The following HIVEP1 variants were observed in gnomAD, a reference collection of about 807,000 sequenced individuals.
HIVEP1 encodes the protein zinc finger protein 40.
In HIVEP1, 36 loss-of-function variants were observed where a neutral mutation model predicts 180.0. That is an observed-to-expected ratio of 0.20 (90% CI 0.15 to 0.26). The LOEUF (loss-of-function observed/expected upper bound fraction) is 0.26, where lower values mean the gene tolerates loss of function less well. HIVEP1 is among the 10% of genes least tolerant of loss of function. HIVEP1 has a pLI of 1.00. For missense variants in HIVEP1, 3,143 were observed against 3,268.7 expected, an observed-to-expected ratio of 0.96 and a Z score of 0.94; for synonymous variants, 1,239 against 1,239.0, an observed-to-expected ratio of 1.00 and a Z score of 0.00.
At chr6:12,191,402 C>T in the HIVEP1 span, among the ~76,000 whole-genome samples, 6,966 of 152,182 alleles carry the variant, frequency 0.046, 515 homozygotes, top group African/African-American at 0.16. Context: ...TCAGCCTGGG[C>T]AACACGGGGA....
chr6:12,085,205 T>C (rs1773040806), intron 2 of HIVEP1, among the ~76,000 whole-genome samples: 1 of 152,144 alleles, frequency 6.6e-6, no homozygotes, highest in South Asian at 2.1e-4. Context: ...GCACAACGTT[T>C]ACTGGTGGTA....
At chr6:12,047,405 G>T (rs964141873) in intron 2 of HIVEP1, among the ~76,000 whole-genome samples, 5 of 152,206 alleles carry the variant, frequency 3.3e-5, no homozygotes, top group Non-Finnish European at 7.4e-5. Flanking sequence ...TGGACGGTTG[G>T]CCAGTGGGTG....
intron 2 of HIVEP1, among the ~76,000 whole-genome samples, chr6:12,064,072 G>A (rs1771405708): frequency 1.3e-5 from 2 of 152,068 alleles, no homozygotes; most frequent in African/African-American, 4.8e-5. Flanking sequence ...TCCTACCCAG[G>A]TTTCTGGCCT....
chr6:12,018,956 C>T (rs77340802), intron 2 of HIVEP1, among the ~76,000 whole-genome samples: 2 of 152,148 alleles, frequency 1.3e-5, no homozygotes, highest in Admixed American at 1.3e-4. Flanking sequence ...AATAAGAAAA[C>T]TTGCTTCTTT....
chr6:12,162,947 A>T (rs909618412), intron 8 of HIVEP1, among the ~76,000 whole-genome samples: 24 of 152,232 alleles, frequency 1.6e-4, no homozygotes, highest in Admixed American at 2.6e-4. Flanking sequence ...AATAACAAAA[A>T]TAGCAGCTTA....
chr6:12,128,943 G>C (rs897743669), intron 4 of HIVEP1, among the ~76,000 whole-genome samples: 4 of 152,172 alleles, frequency 2.6e-5, no homozygotes, highest in African/African-American at 9.7e-5. Context: ...GGGCATGGTG[G>C]CTCATGCCTG....
chr6:12,136,251 T>C (rs867964242), intron 7 of HIVEP1, among the ~76,000 whole-genome samples: 1 of 152,098 alleles, frequency 6.6e-6, no homozygotes, highest in Non-Finnish European at 1.5e-5. Flanking sequence ...ATTTCTCTCT[T>C]TTACCTACCC....
chr6:12,141,680 C>A (rs1759040025), intron 7 of HIVEP1, among the ~76,000 whole-genome samples: 1 of 41,162 alleles, frequency 2.4e-5, no homozygotes, highest in African/African-American at 9.5e-5. Context: ...ATCTACCAAG[C>A]AAATGGAAAG....
At position 12,120,978 on chromosome 6, in the gene HIVEP1, C is replaced by A; in HGVS notation, c.1183C>A (p.Leu395Met). The A allele has an allele frequency of 6.2e-7, 1 of 1,614,152 alleles. No individual in the cohort carries two copies. Among genetic ancestry groups the A allele is most frequent in the African/African-American group, 1.3e-5 (1 of 75,046 alleles). Residue 395 changes from leucine to methionine, a missense_variant, in exon 4 of 9, where the codon CTG (leucine) becomes ATG (methionine). By Grantham distance (15) the Leu-to-Met change is conservative. Coordinates refer to ENST00000379388, the MANE Select transcript of HIVEP1 (RefSeq NM_002114.4). ...QSVEQMCNLL[L>M]KDQKPKKQGK... is the part of the protein sequence containing the mutation. The stretch of plus-strand genomic sequence containing the variant: ...CGTAGAGCAAATGTGCAATCTTCTT[C>A]TGAAAGATCAGAAGCCAAAAAAACA...
At position 12,063,538 on chromosome 6, in the gene HIVEP1, G is replaced by A. The variant is rs1300236312; in HGVS notation, c.41-25646G>A. Among the ~76,000 whole-genome samples the A allele has an allele frequency of 2.0e-5, 3 of 152,158 alleles. No homozygotes were observed. The highest frequency in any genetic ancestry group is 7.2e-5 in the African/African-American group (3 of 41,430). Reference sequence around the variant, plus strand: ...GCTGCACGTGGAAGGTGGGTTGGAAGGCAGGGAAGGGCAGGAGCAGATGCC... The same window carrying A: ...GCTGCACGTGGAAGGTGGGTTGGAAAGCAGGGAAGGGCAGGAGCAGATGCC... On this transcript the variant is annotated intron_variant, in intron 2 of 8. Transcript: ENST00000379388. This position sits in a 1 kb window ranked among gnomAD's most constrained non-coding sequence, Gnocchi z 4.2.
At chr6:12,134,642 A>C (rs975656184) in intron 6 of HIVEP1, among the ~76,000 whole-genome samples, 2 of 152,210 alleles carry the variant, frequency 1.3e-5, no homozygotes, top group Admixed American at 1.3e-4. Context: ...TTTGTTTCTC[A>C]AAAAAGATGA....
rs200796765 is a variant in HIVEP1 at position 12,124,007 on chromosome 6, G to T, written c.4212G>T (p.Leu1404Phe). The T allele has an allele frequency of 1.3e-4, 215 of 1,614,076 alleles. No homozygotes were observed. The African/African-American group carries it at 2.7e-3, about 20-fold the overall frequency. Residue 1404 changes from leucine to phenylalanine, a missense_variant, in exon 4 of 9, where the codon TTG becomes TTT. Physicochemically the swap from Leu to Phe is conservative, Grantham distance 22 (BLOSUM62 0). Coordinates refer to ENST00000379388, the MANE Select transcript of HIVEP1 (RefSeq NM_002114.4). The stretch of plus-strand genomic sequence containing the variant: ...CCCAGACAACACCACTTACTGAATT[G>T]CAGCCTCCATCTTCACCTTCTCGAG... ...TPPQTTPLTELQPPSSPSRVG... is the reference protein window; with the variant it reads ...TPPQTTPLTEFQPPSSPSRVG...
intron 6 of HIVEP1, among the ~76,000 whole-genome samples, chr6:12,134,039 A>G (rs747592374): frequency 3.9e-5 from 6 of 152,070 alleles, no homozygotes; most frequent in Non-Finnish European, 8.8e-5. Context: ...TATTGTTAGT[A>G]TTAACACACT....
At chr6:12,018,120 A>G (rs1440404957) in intron 2 of HIVEP1, among the ~76,000 whole-genome samples, 1 of 152,232 alleles carries the variant, frequency 6.6e-6, no homozygotes, top group African/African-American at 2.4e-5. Context: ...GTGGGCCGGC[A>G]CTGCTGGGGG....
At position 12,131,884 on chromosome 6, in the gene HIVEP1, C is replaced by T. The variant is rs1279623681; in HGVS notation, c.6385+942C>T. Among the ~76,000 whole-genome samples, 10 of 149,762 alleles carry T rather than the reference C, an allele frequency of 6.7e-5. No homozygotes were observed. The East Asian group carries it at 2.0e-3, about 29-fold the overall frequency. On this transcript the variant is annotated intron_variant, in intron 6 of 8. Transcript: ENST00000379388. ...TTTTTTCTTATGCTGGTTGTCTTTG[C>T]AGTTTTTGTTTTAAAGATTGATCAA...
chr6:12,037,129 T>TG (rs1469103137), intron 2 of HIVEP1, among the ~76,000 whole-genome samples: 3 of 152,088 alleles, frequency 2.0e-5, no homozygotes, highest in African/African-American at 7.2e-5. Flanking sequence ...GGAGCAGTGA[T>TG]GGAGGGGACG....
At chr6:12,053,181 G>A (rs1435090397) in intron 2 of HIVEP1, among the ~76,000 whole-genome samples, 2 of 152,020 alleles carry the variant, frequency 1.3e-5, no homozygotes, top group African/African-American at 4.8e-5. Context: ...ATTTGCAGTA[G>A]ACAAGGTATA....
intron 2 of HIVEP1, among the ~76,000 whole-genome samples, chr6:12,075,876 G>A (rs914569885): frequency 1.3e-5 from 2 of 152,140 alleles, no homozygotes; most frequent in Non-Finnish European, 2.9e-5. Context: ...ATAAAGAAGA[G>A]TAATTTCCTT....
At chr6:12,108,522 G>T (rs931873244) in intron 3 of HIVEP1, among the ~76,000 whole-genome samples, 4 of 152,302 alleles carry the variant, frequency 2.6e-5, no homozygotes, top group African/African-American at 9.6e-5. Context: ...TGCAGGTCCC[G>T]AGCCCTGCCC....
Sources: allele counts gnomAD v4.1 joint callset (sites outside exome capture counted in the v4.1 genomes callset), GRCh38; gene constraint gnomAD v4.1.1; non-coding constraint Gnocchi (gnomAD v3.1); transcripts MANE v1.5; gene names NCBI Gene and HGNC (gene_info 2026-07-23, HGNC 2026-07-21).